The following ZNF90 variants were observed in gnomAD, a reference collection of about 807,000 sequenced individuals.
ZNF90 encodes zinc finger protein HTF9.
A neutral mutation model predicts 12.0 loss-of-function variants in ZNF90; 11 were observed. That is an observed-to-expected ratio of 0.92 (90% CI 0.58 to 1.52). ZNF90 has a LOEUF of 1.52. ZNF90 is among the 40% of genes most tolerant of loss of function. The probability of loss-of-function intolerance (pLI) is 0.00; values close to 1 mark genes in which losing one functional copy is unlikely to be tolerated. For missense variants in ZNF90, 765 were observed against 711.5 expected (o/e 1.08, Z -0.86); for synonymous variants, 232 against 240.1 (o/e 0.97, Z 0.31).
rs1284000616 is a variant in ZNF90 at position 20,119,035 on chromosome 19, C to T, written c.1481C>T (p.Ser494Leu). ...TGTGACAAAGCCTTCAAGTACTCCT[C>T]AGCCCTTAGCACACATAAGATAATT... is the stretch of plus-strand genomic sequence containing the variant. Reference protein sequence around the residue: ...QECDKAFKYSSALSTHKIIHS... With the variant: ...QECDKAFKYSLALSTHKIIHS... Residue 494 changes from serine to leucine, a missense_variant, in exon 4 of 4, where the codon TCA becomes TTA. Transcript: ENST00000418063. 2 of 1,607,442 alleles carry T rather than the reference C, an allele frequency of 1.2e-6. No individual in the cohort carries two copies. Among genetic ancestry groups the T allele is most frequent in the Non-Finnish European group, 8.5e-7 (1 of 1,176,606 alleles).
At chr19:20,099,494 CT>C (rs1421723020) in intron 1 of ZNF90, among the ~76,000 whole-genome samples, 1 of 152,188 alleles carries the variant, frequency 6.6e-6, no homozygotes, top group Admixed American at 6.5e-5. Context: ...TCAGCTCAGA[CT>C]TTTGTATGGT....
intron 3 of ZNF90, among the ~76,000 whole-genome samples, chr19:20,114,780 A>G (rs182253550): frequency 6.6e-6 from 1 of 152,208 alleles, no homozygotes; most frequent in East Asian, 1.9e-4. Flanking sequence ...CTATACCTTC[A>G]TTAGAAATAA....
chr19:20,084,783 GTCT>G (rs1395377870), intron 1 of ZNF90, among the ~76,000 whole-genome samples: 14 of 152,084 alleles, frequency 9.2e-5, no homozygotes, highest in Non-Finnish European at 2.1e-4. Context: ...CTTCATATAT[GTCT>G]TCTTTTGAAA....
In ZNF90 at chr19:20,097,940, C is replaced by A. The variant is rs2088961583; in HGVS notation, c.4-6299C>A. The stretch of plus-strand genomic sequence containing the variant: ...ACAAATATAAATTTCTGATAAACAA[C>A]TTTGTGTCAGCCCACTCTGTGTTTC... On this transcript the variant is annotated intron_variant, in intron 1 of 3. Transcript: ENST00000418063. Among the ~76,000 whole-genome samples the A allele has an allele frequency of 1.3e-5, 2 of 152,178 alleles. 1 individual carries two copies. Among genetic ancestry groups the A allele is most frequent in the South Asian group, 4.1e-4 (2 of 4,828 alleles).
rs1555706140 is a variant in ZNF90, at chr19:20,118,783, C to G, written c.1229C>G (p.Ser410Ter). 1 of 1,606,670 alleles carries G rather than the reference C, an allele frequency of 6.2e-7. No individual in the cohort carries two copies. Among genetic ancestry groups the G allele is most frequent in the East Asian group, 2.3e-5 (1 of 44,426 alleles). The change falls in exon 4 of 4, where the codon TCA becomes TGA. Residue 410 changes from serine to a stop codon, truncating the protein, a stop_gained. Coordinates refer to ENST00000418063, the MANE Select transcript of ZNF90 (RefSeq NM_007138.2). LOFTEE classifies it low-confidence loss of function (END_TRUNC). ...TGTGGCAAAGCCTTCAAGCGCTCCT[C>G]AACACTTACTATACATAAGATAAGT... ...EECGKAFKRS[S>*]TLTIHKISHT...
In ZNF90 at chr19:20,078,043, C is replaced by T; in HGVS notation, c.-90C>T. 2 of 1,571,280 alleles carry T rather than the reference C, an allele frequency of 1.3e-6. No homozygotes were observed. The highest frequency in any genetic ancestry group is 1.8e-6 in the Non-Finnish European group (2 of 1,141,160). On this transcript the variant is annotated 5_prime_UTR_variant, in exon 1 of 4. Transcript: ENST00000418063. ...GCTGGTGCTCCAAATCTGGTCTTAG[C>T]TGCTTCGTGTCTTCTTCTCCAGCCT...
At chr19:20,110,366 C>T (rs553337481) in intron 3 of ZNF90, among the ~76,000 whole-genome samples, 1 of 152,142 alleles carries the variant, frequency 6.6e-6, no homozygotes, top group South Asian at 2.1e-4. Flanking sequence ...GCAACCCCTG[C>T]CTCCTGGGTT....
intron 3 of ZNF90, among the ~76,000 whole-genome samples, chr19:20,113,894 C>G (rs761556057): frequency 7.9e-5 from 12 of 152,052 alleles, no homozygotes; most frequent in East Asian, 1.9e-4. Flanking sequence ...GTCAGAAACA[C>G]TTTTGGATTT....
At chr19:20,094,029 G>C (rs1263198847) in intron 1 of ZNF90, among the ~76,000 whole-genome samples, 3 of 152,220 alleles carry the variant, frequency 2.0e-5, no homozygotes, top group African/African-American at 4.8e-5. Context: ...GGCTTGGGAG[G>C]AATCCCGGGC....
rs150598427 is a variant in ZNF90 at position 20,107,953 on chromosome 19, A to G, written c.226+2637A>G. 2.1e-3 allele frequency among the ~76,000 whole-genome samples: 314 copies of G among 152,274 alleles called. 3 individuals are homozygous for G. The highest frequency in any genetic ancestry group is 7.3e-3 in the African/African-American group (303 of 41,566). On this transcript the variant is annotated intron_variant, in intron 3 of 3. Coordinates refer to ENST00000418063, the MANE Select transcript of ZNF90 (RefSeq NM_007138.2). ...TCTACTTTTTTCAGCCTATATCTAAATAATATAGATTATTTCCTAATATTT... is the reference window on the plus strand; with the variant it reads ...TCTACTTTTTTCAGCCTATATCTAAGTAATATAGATTATTTCCTAATATTT...
At chr19:20,099,600 C>T (rs1555703630) in intron 1 of ZNF90, among the ~76,000 whole-genome samples, 1 of 152,202 alleles carries the variant, frequency 6.6e-6, no homozygotes, top group Non-Finnish European at 1.5e-5. Flanking sequence ...TCCTCCAGAT[C>T]TGTCACTATC....
intron 1 of ZNF90, among the ~76,000 whole-genome samples, chr19:20,092,717 G>T (rs1363665421): frequency 6.6e-6 from 1 of 152,208 alleles, no homozygotes; most frequent in Non-Finnish European, 1.5e-5. Context: ...GATACGATCG[G>T]CAGGGAGAGC....
At position 20,105,313 on chromosome 19, in the gene ZNF90, C is replaced by A. The variant is rs1555704294; in HGVS notation, c.223C>A (p.Pro75Thr). The A allele has an allele frequency of 6.2e-7, 1 of 1,603,858 alleles. No individual in the cohort carries two copies. The change falls in exon 3 of 4, where the codon CCA becomes ACA. Residue 75 changes from proline to threonine, a missense_variant. By Grantham distance (38) the Pro-to-Thr change is conservative. Coordinates refer to ENST00000418063, the MANE Select transcript of ZNF90 (RefSeq NM_007138.2). ...VKRHEMIAKS[P>T]VMCFHFAQDL... ...GAGACATGAGATGATTGCCAAATCC[C>A]CAGGTAGGTGCGAGTGAAAATGAAT...
intron 2 of ZNF90, 95 bp downstream of exon 2, chr19:20,104,460 A>G: frequency 7.1e-7 from 1 of 1,401,194 alleles, no homozygotes; most frequent in South Asian, 1.6e-5. Context: ...TTGTTTGCAT[A>G]AGAGAGTTTT....
At chr19:20,102,864 G>T (rs1259766693) in intron 1 of ZNF90, among the ~76,000 whole-genome samples, 1 of 152,208 alleles carries the variant, frequency 6.6e-6, no homozygotes, top group African/African-American at 2.4e-5. Context: ...GGAGATAGCT[G>T]CTCTCTAGGG....
At chr19:20,098,081 T>A (rs1163128411) in intron 1 of ZNF90, among the ~76,000 whole-genome samples, 1 of 152,200 alleles carries the variant, frequency 6.6e-6, no homozygotes, top group African/African-American at 2.4e-5. Flanking sequence ...ATAAGCTGTC[T>A]ACTTATATTC....
chr19:20,102,855 G>A (rs2089000484), intron 1 of ZNF90, among the ~76,000 whole-genome samples: 1 of 152,180 alleles, frequency 6.6e-6, no homozygotes, highest in Non-Finnish European at 1.5e-5. Flanking sequence ...AAAGTATTAG[G>A]AGATAGCTGC....
chr19:20,096,798 A>G (rs2088950791), intron 1 of ZNF90, among the ~76,000 whole-genome samples: 1 of 152,174 alleles, frequency 6.6e-6, no homozygotes, highest in African/African-American at 2.4e-5. Context: ...ACCAGGAGAA[A>G]GCAAGCAGGA....
At chr19:20,113,093 C>A (rs1398850384) in intron 3 of ZNF90, among the ~76,000 whole-genome samples, 1 of 151,972 alleles carries the variant, frequency 6.6e-6, no homozygotes, top group East Asian at 1.9e-4. Flanking sequence ...ATAATTATTT[C>A]TGTTTCTTTT....
Sources: allele counts gnomAD v4.1 joint callset (sites outside exome capture counted in the v4.1 genomes callset), GRCh38; gene constraint gnomAD v4.1.1; transcripts MANE v1.5; gene names NCBI Gene and HGNC (gene_info 2026-07-23, HGNC 2026-07-21).